PRKCB: variants seen among roughly 807,000 people sequenced by gnomAD.
PRKCB encodes protein kinase C beta.
A neutral mutation model predicts 81.5 loss-of-function variants in PRKCB; 13 were observed. The observed-to-expected ratio is 0.16, with a 90% CI of 0.10 to 0.25. The LOEUF is 0.25. PRKCB is among the 10% of genes least tolerant of loss of function. PRKCB has a pLI of 1.00. For missense variants in PRKCB, 509 were observed against 875.7 expected (o/e 0.58, Z 5.29); for synonymous variants, 335 against 321.4 (o/e 1.04, Z -0.45).
chr16:23,983,300 A>G (rs1426890418), intron 2 of PRKCB, among the ~76,000 whole-genome samples: 4 of 152,170 alleles, frequency 2.6e-5, no homozygotes, highest in African/African-American at 4.8e-5. Flanking sequence ...ACACTGTGTA[A>G]AGGAATTACC....
chr16:24,159,811 T>C (rs572598871), intron 10 of PRKCB, among the ~76,000 whole-genome samples: 2 of 152,052 alleles, frequency 1.3e-5, no homozygotes, highest in South Asian at 4.2e-4. Flanking sequence ...CTGGGCAACA[T>C]GGCAAGATCC....
chr16:23,840,294 C>T (rs1016096355), intron 2 of PRKCB, among the ~76,000 whole-genome samples: 2 of 152,152 alleles, frequency 1.3e-5, no homozygotes, highest in African/African-American at 4.8e-5. Flanking sequence ...AGTCAGCAAT[C>T]CAGAGCCCAG....
At position 23,855,287 on chromosome 16, in the gene PRKCB, C is replaced by G. The variant is rs1273226051; in HGVS notation, c.205+17881C>G. 3.3e-5 allele frequency among the ~76,000 whole-genome samples: 5 copies of G among 152,122 alleles called. No homozygotes were observed. In the South Asian group the frequency reaches 1.0e-3, roughly 31 times the overall value. On this transcript the variant is annotated intron_variant, in intron 2 of 16. Coordinates refer to ENST00000643927, the MANE Select transcript of PRKCB (RefSeq NM_002738.7). ...GACTTACTGGTCAAGAGCATGGGTT[C>G]AGGCCTCAGTTCCTCCCCAATCACA...
intron 9 of PRKCB, among the ~76,000 whole-genome samples, chr16:24,132,684 A>G (rs1966855054): frequency 6.6e-6 from 1 of 152,184 alleles, no homozygotes; most frequent in Admixed American, 6.5e-5. Flanking sequence ...AGTGAGATGC[A>G]GAAAGTTGGA....
intron 2 of PRKCB, among the ~76,000 whole-genome samples, chr16:23,940,825 A>G (rs181415304): frequency 9.7e-4 from 147 of 152,278 alleles, no homozygotes; most frequent in Non-Finnish European, 1.4e-3. Flanking sequence ...CTTTTCCACT[A>G]CTGTTTTCTG....
chr16:23,980,270 A>G (rs1964677838), intron 2 of PRKCB, among the ~76,000 whole-genome samples: 2 of 152,242 alleles, frequency 1.3e-5, no homozygotes, highest in African/African-American at 4.8e-5. Flanking sequence ...TTGATCATGG[A>G]AACAGTTCGG....
Position 24,217,245 on chromosome 16 carries a change from T to G in PRKCB, c.*2429T>G. ...AATTCTTGCCATTATTTTTCAAAAG[T>G]TTAATAGTTTGCAGAAATAGATACT... On this transcript the variant is annotated 3_prime_UTR_variant, in exon 17 of 17. Coordinates refer to ENST00000643927, the MANE Select transcript of PRKCB (RefSeq NM_002738.7). 1 of 985,354 alleles carries G rather than the reference T, an allele frequency of 1.0e-6. No individual in the cohort carries two copies. Among genetic ancestry groups the G allele is most frequent in the Non-Finnish European group, 1.2e-6 (1 of 829,902 alleles). The allele number at this position is 985,354 out of a possible 1,614,324, so 61.0% of individuals were successfully genotyped here. A position where few individuals can be genotyped will look rare whatever the true frequency, so the allele number is the denominator to read the frequency against.
chr16:24,030,066 A>C (rs1438030603), intron 3 of PRKCB, among the ~76,000 whole-genome samples: 2 of 151,984 alleles, frequency 1.3e-5, no homozygotes, highest in Admixed American at 1.3e-4. Flanking sequence ...CACCTGGCTA[A>C]TTTTTTATTG....
chr16:23,870,021 G>A (rs1324242029), intron 2 of PRKCB, among the ~76,000 whole-genome samples: 10 of 142,306 alleles, frequency 7.0e-5, no homozygotes, highest in Non-Finnish European at 4.6e-5. Context: ...GACTCCATCT[G>A]AAAAAAAAAA....
At chr16:24,136,494 T>C (rs1163176824) in intron 9 of PRKCB, among the ~76,000 whole-genome samples, 1 of 152,124 alleles carries the variant, frequency 6.6e-6, no homozygotes, top group Admixed American at 6.5e-5. Flanking sequence ...TGGGGGGTTG[T>C]AGGGGGGCCC....
At chr16:23,880,301 C>T (rs893656205) in intron 2 of PRKCB, among the ~76,000 whole-genome samples, 5 of 152,168 alleles carry the variant, frequency 3.3e-5, no homozygotes, top group Non-Finnish European at 7.3e-5. Flanking sequence ...GGAAAATGAG[C>T]TTTGAGAATC....
intron 15 of PRKCB, among the ~76,000 whole-genome samples, chr16:24,188,738 C>A (rs565483229): frequency 1.3e-5 from 2 of 152,276 alleles, no homozygotes; most frequent in South Asian, 2.1e-4. Context: ...CTATAAGAGT[C>A]CTGAGCCAGG....
chr16:23,979,970 A>G (rs941006464), intron 2 of PRKCB, among the ~76,000 whole-genome samples: 3 of 152,216 alleles, frequency 2.0e-5, no homozygotes, highest in Non-Finnish European at 4.4e-5. Context: ...CTGTAGTCCC[A>G]TCTACTCAGG....
chr16:24,185,495 C>T lies in PRKCB; in HGVS notation c.1650C>T (p.Phe550=), dbSNP rs1187482005. 6.2e-7 allele frequency: 1 copy of T among 1,614,148 alleles called. No individual in the cohort carries two copies. Among genetic ancestry groups the T allele is most frequent in the East Asian group, 2.2e-5 (1 of 44,880 alleles). The change falls in exon 15 of 17, where the codon TTC becomes TTT. Residue 550 remains phenylalanine, a synonymous_variant. Coordinates refer to ENST00000643927, the MANE Select transcript of PRKCB (RefSeq NM_002738.7). ...AAGGGGAGGATGAAGATGAACTCTT[C>T]CAATCCATCATGGAACACAACGTAG... is the stretch of plus-strand genomic sequence containing the variant. ...PFEGEDEDEL[F]QSIMEHNVAY...
chr16:24,015,611 C>A (rs1024455740), intron 3 of PRKCB, among the ~76,000 whole-genome samples: 1 of 152,234 alleles, frequency 6.6e-6, no homozygotes, highest in Non-Finnish European at 1.5e-5. Flanking sequence ...CCTGGTTACA[C>A]CCTCTAATTC....
At chr16:24,107,541 G>C (rs1365483886) in intron 7 of PRKCB, among the ~76,000 whole-genome samples, 5 of 152,312 alleles carry the variant, frequency 3.3e-5, no homozygotes, top group South Asian at 4.1e-4. Flanking sequence ...CCTCAAGCCA[G>C]ATGGAGAGCC....
At chr16:24,052,184 G>C (rs1486102204) in intron 5 of PRKCB, among the ~76,000 whole-genome samples, 1 of 152,194 alleles carries the variant, frequency 6.6e-6, no homozygotes, top group Non-Finnish European at 1.5e-5. Flanking sequence ...TTGGAGAGCT[G>C]AGGATGAAAA....
intron 2 of PRKCB, among the ~76,000 whole-genome samples, chr16:23,929,484 C>T (rs1461730567): frequency 6.6e-6 from 1 of 152,074 alleles, no homozygotes; most frequent in African/African-American, 2.4e-5. Context: ...TGAAATACCT[C>T]ATAGAGGGTT....
At chr16:23,858,043 GT>G (rs1962601325) in intron 2 of PRKCB, among the ~76,000 whole-genome samples, 1 of 152,104 alleles carries the variant, frequency 6.6e-6, no homozygotes, top group South Asian at 2.1e-4. Flanking sequence ...AATAGACTTG[GT>G]TTTAGGATTG....
Sources: allele counts gnomAD v4.1 joint callset (sites outside exome capture counted in the v4.1 genomes callset), GRCh38; gene constraint gnomAD v4.1.1; transcripts MANE v1.5; gene names NCBI Gene and HGNC (gene_info 2026-07-23, HGNC 2026-07-21).